Variants in HIPK2 observed in about 807,000 individuals in gnomAD.
The protein encoded by HIPK2 is homeodomain interacting protein kinase 2, also known as homeodomain-interacting protein kinase 2.
A neutral mutation model predicts 113.7 loss-of-function variants in HIPK2; 27 were observed. That is an observed-to-expected ratio of 0.24 (90% confidence interval 0.17 to 0.33). The LOEUF is 0.33. Ranked by LOEUF, HIPK2 falls within the 10% of genes least tolerant of loss-of-function variation. HIPK2 has a pLI of 1.00. For missense variants in HIPK2, 1,257 were observed against 1,588.0 expected (o/e 0.79, Z 3.54); for synonymous variants, 631 against 642.2 (o/e 0.98, Z 0.26).
At chr7:139,580,073 A>G (rs1798619509) in intron 13 of HIPK2, among the ~76,000 whole-genome samples, 2 of 152,196 alleles carry the variant, frequency 1.3e-5, no homozygotes, top group Non-Finnish European at 2.9e-5. Flanking sequence ...AGAAAGCTGC[A>G]AACATTGGCT....
intron 1 of HIPK2, among the ~76,000 whole-genome samples, chr7:139,772,355 C>T (rs960033407): frequency 3.3e-5 from 5 of 152,220 alleles, no homozygotes; most frequent in Non-Finnish European, 7.3e-5. Context: ...CACCAAATAT[C>T]AGAAACGAAA....
At chr7:139,723,586 T>C (rs1315104281) in intron 1 of HIPK2, among the ~76,000 whole-genome samples, 3 of 152,232 alleles carry the variant, frequency 2.0e-5, no homozygotes, top group Non-Finnish European at 2.9e-5. Flanking sequence ...TCTTCATAAC[T>C]TTATATTTCA....
chr7:139,633,040 G>A (rs1800673190), intron 2 of HIPK2, among the ~76,000 whole-genome samples: 1 of 139,342 alleles, frequency 7.2e-6, no homozygotes, highest in East Asian at 2.1e-4. Context: ...AGGTTGCAGT[G>A]AGCTGAGATT....
chr7:139,584,061 A>G lies in HIPK2; in HGVS notation c.2721T>C (p.Thr907=). ...TGACGTTTTTTCTTTGCTTGGAGACAGTGCTGAAAATGCAAAGGGAGAAGT... is the reference window on the plus strand; with the variant it reads ...TGACGTTTTTTCTTTGCTTGGAGACGGTGCTGAAAATGCAAAGGGAGAAGT... The part of the protein sequence containing the change: ...EEEQKHAPTS[T]VSKQRKNVIS... The change falls in exon 13 of 15, where the codon ACT becomes ACC. Residue 907 remains threonine (T), a synonymous_variant. Transcript: ENST00000406875. 6.3e-7 allele frequency: 1 copy of G among 1,578,714 alleles called. No homozygotes were observed.
intron 1 of HIPK2, among the ~76,000 whole-genome samples, chr7:139,752,781 C>T (rs1190146231): frequency 2.0e-5 from 3 of 151,790 alleles, no homozygotes; most frequent in African/African-American, 4.8e-5. Context: ...CATGGAGAAC[C>T]GGCCACACAG....
chr7:139,682,749 G>A (rs899184020), intron 2 of HIPK2, among the ~76,000 whole-genome samples: 4 of 152,234 alleles, frequency 2.6e-5, no homozygotes, highest in African/African-American at 9.7e-5. Flanking sequence ...ACTGTGTTAA[G>A]GACCCGCGTT....
chr7:139,576,594 C>CA (rs1798499840), intron 13 of HIPK2, among the ~76,000 whole-genome samples: 1 of 152,196 alleles, frequency 6.6e-6, no homozygotes. Flanking sequence ...TTTCTGAGCT[C>CA]CTGCCCTGTG....
intron 1 of HIPK2, among the ~76,000 whole-genome samples, chr7:139,741,410 C>T (rs1292611289): frequency 6.6e-6 from 1 of 152,182 alleles, no homozygotes; most frequent in Non-Finnish European, 1.5e-5. Flanking sequence ...TTCACTTGTC[C>T]TTCACCTTTG....
At chr7:139,583,107 G>A (rs911587449) in intron 13 of HIPK2, among the ~76,000 whole-genome samples, 11 of 152,240 alleles carry the variant, frequency 7.2e-5, no homozygotes, top group Non-Finnish European at 1.5e-4. Context: ...GCGGAATAGC[G>A]GGACGCGCAG....
chr7:139,708,442 G>A (rs1362138369), intron 2 of HIPK2, among the ~76,000 whole-genome samples: 2 of 152,152 alleles, frequency 1.3e-5, no homozygotes, highest in Non-Finnish European at 2.9e-5. Flanking sequence ...CACCCCCAGA[G>A]GGCCTGCTCA....
Position 139,600,507 on chromosome 7 carries a change from G to T in HIPK2, c.2345C>A (p.Pro782His). The T allele has an allele frequency of 6.2e-7, 1 of 1,614,040 alleles. No individual in the cohort carries two copies. The highest frequency in any genetic ancestry group is 2.2e-5 in the East Asian group (1 of 44,884). ...TGHVTLPAAQ[P>H]LNVGVAHVMR... ...CACGTGGGCCACACCCACATTTAAG[G>T]GCTGTGCTGCTGGAAGGGTCACATG... is the stretch of plus-strand genomic sequence containing the variant. Residue 782 changes from proline to histidine, a missense_variant, in exon 11 of 15, where the codon CCC becomes CAC. Transcript: ENST00000406875.
At chr7:139,749,511 G>A (rs1796244981) in intron 1 of HIPK2, among the ~76,000 whole-genome samples, 2 of 152,330 alleles carry the variant, frequency 1.3e-5, no homozygotes, top group Admixed American at 6.5e-5. Context: ...GGAAAATGCA[G>A]AGCCTGAGAT....
chr7:139,613,339 TGAGG>T lies in HIPK2; in HGVS notation c.1991-20_1991-17del. ...GCCTGCAAGCCTGTTCCAGACAGTG[TGAGG>T]GAGAGAAGGGTTAGCTGAGACGCTG... On this transcript the variant is annotated splice_polypyrimidine_tract_variant and intron_variant, in intron 8 of 14. Coordinates refer to ENST00000406875, the MANE Select transcript of HIPK2 (RefSeq NM_022740.5). This position sits in a 1 kb window ranked among gnomAD's most constrained non-coding sequence, Gnocchi z 4.2. 6.2e-7 allele frequency: 1 copy of T among 1,612,560 alleles called. No individual in the cohort carries two copies. Among genetic ancestry groups the T allele is most frequent in the African/African-American group, 1.3e-5 (1 of 74,968 alleles).
intron 2 of HIPK2, among the ~76,000 whole-genome samples, chr7:139,690,009 G>A (rs1399688713): frequency 2.0e-5 from 3 of 150,890 alleles, no homozygotes; most frequent in Non-Finnish European, 3.0e-5. Flanking sequence ...CAGGGGGCTG[G>A]GGGAGCCTCA....
chr7:139,707,048 C>A (rs1003571476), intron 2 of HIPK2, among the ~76,000 whole-genome samples: 10 of 152,236 alleles, frequency 6.6e-5, no homozygotes, highest in Non-Finnish European at 1.3e-4. Flanking sequence ...GCGACCAGAG[C>A]CCCGCCTTTG....
chr7:139,701,256 G>A (rs1794698573), intron 2 of HIPK2, among the ~76,000 whole-genome samples: 1 of 152,202 alleles, frequency 6.6e-6, no homozygotes, highest in Non-Finnish European at 1.5e-5. Flanking sequence ...ACCTGGATTA[G>A]TCTGAGAACC....
chr7:139,754,806 T>C (rs929887830), intron 1 of HIPK2, among the ~76,000 whole-genome samples: 2 of 152,048 alleles, frequency 1.3e-5, no homozygotes, highest in African/African-American at 4.8e-5. Flanking sequence ...GGAGAGACGA[T>C]GATGGAATTC....
intron 12 of HIPK2, among the ~76,000 whole-genome samples, chr7:139,585,546 C>T (rs921644962): frequency 4.6e-5 from 7 of 152,316 alleles, no homozygotes; most frequent in African/African-American, 7.2e-5. Flanking sequence ...TGTCTAACTT[C>T]GGCATGTGCT....
chr7:139,756,356 T>A (rs1263732189), intron 1 of HIPK2, among the ~76,000 whole-genome samples: 1 of 152,260 alleles, frequency 6.6e-6, no homozygotes, highest in Non-Finnish European at 1.5e-5. Flanking sequence ...CTAAAAAGTA[T>A]ATGTATTTCA....
Sources: gnomAD v4.1 joint callset for allele counts (sites outside exome capture counted in the v4.1 genomes callset) on GRCh38, gnomAD v4.1.1 for gene constraint, Gnocchi (gnomAD v3.1) non-coding constraint, MANE v1.5 for transcripts, NCBI Gene and HGNC (gene_info 2026-07-23, HGNC 2026-07-21) for gene names.